The following SLC24A3 variants were observed in gnomAD, a reference collection of about 807,000 sequenced individuals.
SLC24A3 encodes sodium/potassium/calcium exchanger 3.
In SLC24A3, 28 loss-of-function variants were observed where a neutral mutation model predicts 75.8. The ratio of observed to expected loss-of-function variants is 0.37; its 90% confidence interval spans 0.27 to 0.51. SLC24A3 has a LOEUF of 0.51. SLC24A3 is among the 20% of genes least tolerant of loss of function. SLC24A3 has a pLI of 0.94. For synonymous variants in SLC24A3, 372 were observed against 334.1 expected, an observed-to-expected ratio of 1.11 and a Z score of -1.24; for missense variants, 663 against 847.8, an observed-to-expected ratio of 0.78 and a Z score of 2.71.
At chr20:19,715,050 T>C (rs889577974) in intron 15 of SLC24A3, among the ~76,000 whole-genome samples, 3 of 152,202 alleles carry the variant, frequency 2.0e-5, no homozygotes, top group African/African-American at 7.2e-5. Context: ...TCAAAAGGAT[T>C]CCTGAGTGTT....
rs572897852 is a variant in SLC24A3, at chr20:19,673,334, G to C, written c.714-267G>C. Reference sequence around the variant, plus strand: ...CTATATTCAGCAACGTGTATGAAAGGCTTGCTGCTTTCAAAGAGCTCTTTT... The same window carrying C: ...CTATATTCAGCAACGTGTATGAAAGCCTTGCTGCTTTCAAAGAGCTCTTTT... On this transcript the variant is annotated intron_variant, in intron 8 of 16. Coordinates refer to ENST00000328041, the MANE Select transcript of SLC24A3 (RefSeq NM_020689.4). Among the ~76,000 whole-genome samples the C allele has an allele frequency of 3.9e-5, 6 of 152,330 alleles. No homozygotes were observed. In the South Asian group the frequency reaches 6.2e-4, roughly 16 times the overall value.
At chr20:19,541,015 G>A (rs1190999297) in intron 3 of SLC24A3, among the ~76,000 whole-genome samples, 1 of 152,214 alleles carries the variant, frequency 6.6e-6, no homozygotes, top group Non-Finnish European at 1.5e-5. Context: ...AATCCTTGGT[G>A]GGAATGTCAG....
intron 2 of SLC24A3, among the ~76,000 whole-genome samples, chr20:19,331,027 G>A (rs1309910390): frequency 6.6e-6 from 1 of 152,224 alleles, no homozygotes; most frequent in Non-Finnish European, 1.5e-5. Flanking sequence ...AGTTGTGAAA[G>A]ACAGGAAGGC....
chr20:19,550,060 C>G (rs1411922227), intron 3 of SLC24A3, among the ~76,000 whole-genome samples: 3 of 152,164 alleles, frequency 2.0e-5, no homozygotes, highest in Admixed American at 1.3e-4. Flanking sequence ...CACACTTCAT[C>G]ATTATCAGTC....
intron 2 of SLC24A3, among the ~76,000 whole-genome samples, chr20:19,477,712 C>G (rs1204019732): frequency 6.6e-6 from 1 of 152,092 alleles, no homozygotes; most frequent in Non-Finnish European, 1.5e-5. Context: ...TCGATGACAT[C>G]CCAATTAAGG....
chr20:19,473,884 C>T (rs867152443), intron 2 of SLC24A3, among the ~76,000 whole-genome samples: 21 of 152,240 alleles, frequency 1.4e-4, no homozygotes, highest in Middle Eastern at 3.2e-3. Context: ...GTTTGGTCTG[C>T]AGAGACTTCT....
chr20:19,240,199 C>T (rs1982290123), intron 1 of SLC24A3, among the ~76,000 whole-genome samples: 1 of 152,162 alleles, frequency 6.6e-6, no homozygotes, highest in South Asian at 2.1e-4. Context: ...CTTCAGGTCA[C>T]ACTGCAACAA....
intron 1 of SLC24A3, among the ~76,000 whole-genome samples, chr20:19,220,619 GTC>G (rs1981681583): frequency 1.3e-5 from 2 of 152,232 alleles, no homozygotes; most frequent in Non-Finnish European, 1.5e-5. Context: ...ACATTTGAAA[GTC>G]AAGGTGATAA....
At chr20:19,557,649 A>C (rs1237544425) in intron 3 of SLC24A3, among the ~76,000 whole-genome samples, 1 of 152,196 alleles carries the variant, frequency 6.6e-6, no homozygotes, top group Non-Finnish European at 1.5e-5. Flanking sequence ...GTAAGAATGC[A>C]GCACAGTTCT....
chr20:19,645,270 AG>A (rs1408088186), intron 6 of SLC24A3, among the ~76,000 whole-genome samples: 1 of 152,248 alleles, frequency 6.6e-6, no homozygotes, highest in Non-Finnish European at 1.5e-5. Context: ...ACAGAGTGTC[AG>A]GGGCGCATAG....
chr20:19,529,689 C>T (rs2030261616), intron 3 of SLC24A3, among the ~76,000 whole-genome samples: 1 of 152,198 alleles, frequency 6.6e-6, no homozygotes, highest in African/African-American at 2.4e-5. Context: ...GGGCCTCAGA[C>T]CTTCCTCCTG....
intron 3 of SLC24A3, among the ~76,000 whole-genome samples, chr20:19,537,934 G>T (rs951124791): frequency 1.3e-5 from 2 of 151,364 alleles, no homozygotes; most frequent in Non-Finnish European, 2.9e-5. Context: ...GCTAAATGAC[G>T]AGTTAATGGG....
intron 2 of SLC24A3, among the ~76,000 whole-genome samples, chr20:19,396,220 G>A (rs1480788148): frequency 6.6e-6 from 1 of 152,128 alleles, no homozygotes; most frequent in Non-Finnish European, 1.5e-5. Flanking sequence ...GGTGCACTTT[G>A]AAATAGACCA....
At chr20:19,359,050 T>G (rs1167449256) in intron 2 of SLC24A3, among the ~76,000 whole-genome samples, 1 of 152,252 alleles carries the variant, frequency 6.6e-6, no homozygotes, top group African/African-American at 2.4e-5. Flanking sequence ...TTCCACCTTA[T>G]GCCTATAGTA....
At chr20:19,329,134 G>A (rs1000735606) in intron 2 of SLC24A3, among the ~76,000 whole-genome samples, 9 of 152,152 alleles carry the variant, frequency 5.9e-5, no homozygotes, top group African/African-American at 2.2e-4. Context: ...GATGGAAGGG[G>A]AAGGATTGGA....
chr20:19,665,966 A>C, intron 8 of SLC24A3, 77 bp downstream of exon 8: 1 of 1,494,232 alleles, frequency 6.7e-7, no homozygotes, highest in Non-Finnish European at 9.2e-7. Context: ...CAGTGTTGGG[A>C]TTCAAGAAAG....
intron 2 of SLC24A3, among the ~76,000 whole-genome samples, chr20:19,413,154 T>C (rs1470643863): frequency 6.6e-6 from 1 of 152,182 alleles, no homozygotes; most frequent in African/African-American, 2.4e-5. Context: ...CCCAGAAGTA[T>C]AGGGCCAGGA....
At chr20:19,683,402 T>C (rs6112516) in intron 10 of SLC24A3, among the ~76,000 whole-genome samples, 12,750 of 152,278 alleles carry the variant, frequency 0.084, 575 homozygotes, top group Middle Eastern at 0.15. Context: ...AGCTCATTCA[T>C]AGAGAGGGAG....
chr20:19,697,196 CAG>C (rs1322005925), intron 14 of SLC24A3, among the ~76,000 whole-genome samples: 3 of 152,026 alleles, frequency 2.0e-5, no homozygotes, highest in Non-Finnish European at 4.4e-5. Flanking sequence ...CTCAGAAGAA[CAG>C]AGAAATAATC....
Sources: allele counts gnomAD v4.1 joint callset (sites outside exome capture counted in the v4.1 genomes callset), GRCh38; gene constraint gnomAD v4.1.1; transcripts MANE v1.5; gene names NCBI Gene and HGNC (gene_info 2026-07-23, HGNC 2026-07-21).